Variants in SMG1 observed in about 807,000 individuals in gnomAD.
SMG1 encodes SMG1 nonsense mediated mRNA decay associated PI3K related kinase.
In SMG1, 22 loss-of-function variants were observed where a neutral mutation model predicts 419.9. That is an observed-to-expected ratio of 0.05 (90% CI 0.04 to 0.07). The LOEUF is 0.07. Ranked by LOEUF, SMG1 falls within the 10% of genes least tolerant of loss-of-function variation. The pLI is 1.00. For synonymous variants in SMG1, 1,538 were observed against 1,553.5 expected (o/e 0.99, Z 0.23); for missense variants, 3,185 against 4,342.0 (o/e 0.73, Z 7.49).
rs149103113 is a variant in SMG1 at position 18,893,151 on chromosome 16, T to G, written c.413-797A>C. Among the ~76,000 whole-genome samples, 353 of 152,348 alleles carry G rather than the reference T, an allele frequency of 2.3e-3. 2 individuals are homozygous for G. Among genetic ancestry groups the G allele is most frequent in the African/African-American group, 7.5e-3 (310 of 41,584 alleles). The stretch of plus-strand genomic sequence containing the variant: ...AGCCTCTTATTCACATTATCATCAT[T>G]TCCCTGGGATGAAGTTTTCACACAT... On this transcript the variant is annotated intron_variant, in intron 3 of 62. Transcript: ENST00000446231.
At chr16:18,846,285 G>A (rs1423083224) in intron 38 of SMG1, among the ~76,000 whole-genome samples, 1 of 152,118 alleles carries the variant, frequency 6.6e-6, no homozygotes, top group Non-Finnish European at 1.5e-5. Flanking sequence ...ACTCTTAGAA[G>A]AAAACATAAG....
intron 15 of SMG1, among the ~76,000 whole-genome samples, 154 bp from the exon 16 acceptor site, chr16:18,871,636 C>T (rs1033850830): frequency 5.9e-5 from 9 of 152,068 alleles, no homozygotes; most frequent in Admixed American, 2.6e-4. Context: ...ATAGAAATTA[C>T]TGTCAAAATT....
At position 18,815,155 on chromosome 16, in the gene SMG1, A is replaced by T. The variant is rs750091531; in HGVS notation, c.10621+20T>A. ...TGTGTAACATTAACAACAGATCAAGACTCAGGACTCTTCTCCTACCTGCAG... is the reference window on the plus strand; with the variant it reads ...TGTGTAACATTAACAACAGATCAAGTCTCAGGACTCTTCTCCTACCTGCAG... On this transcript the variant is annotated intron_variant, in intron 60 of 62. Transcript: ENST00000446231. 1 of 1,473,980 alleles carries T rather than the reference A, an allele frequency of 6.8e-7. No homozygotes were observed. Among genetic ancestry groups the T allele is most frequent in the South Asian group, 1.2e-5 (1 of 82,888 alleles). 91.3% of individuals were successfully genotyped at this position (1,473,980 alleles called of 1,614,324 possible). A position where few individuals can be genotyped will look rare whatever the true frequency, so the allele number is the denominator to read the frequency against.
At chr16:18,913,915 C>G (rs185760948) in intron 1 of SMG1, among the ~76,000 whole-genome samples, 1 of 152,148 alleles carries the variant, frequency 6.6e-6, no homozygotes, top group East Asian at 1.9e-4. Context: ...CCTGTAATCC[C>G]AGCACTTCGG....
chr16:18,835,643 C>G (rs1176849366), intron 48 of SMG1, among the ~76,000 whole-genome samples: 1 of 152,124 alleles, frequency 6.6e-6, no homozygotes, highest in Non-Finnish European at 1.5e-5. Context: ...CAGTGGCTCA[C>G]GCCTGTAATC....
intron 55 of SMG1, 114 bp from the exon 56 acceptor site, chr16:18,819,768 AT>A: frequency 9.1e-7 from 1 of 1,104,500 alleles, no homozygotes; most frequent in Non-Finnish European, 1.2e-6. Context: ...GACACATGTA[AT>A]TTAGAAAACA....
chr16:18,845,474 T>A lies in SMG1; in HGVS notation c.6174A>T (p.Pro2058=). ...IENALEKLKT[P]LNPAKPGSSW... The stretch of plus-strand genomic sequence containing the variant: ...TGCTCCCAGGCTTTGCAGGGTTCAA[T>A]GGAGTCTTCAGTTTTTCTAGGGCAT... The change falls in exon 39 of 63, where the codon CCA becomes CCT. Residue 2058 remains proline, a synonymous_variant. Transcript: ENST00000446231. 1 of 1,614,018 alleles carries A rather than the reference T, an allele frequency of 6.2e-7. No individual in the cohort carries two copies. The highest frequency in any genetic ancestry group is 1.3e-5 in the African/African-American group (1 of 75,070).
At chr16:18,893,422 C>T (rs1252901241) in intron 3 of SMG1, among the ~76,000 whole-genome samples, 5 of 152,006 alleles carry the variant, frequency 3.3e-5, no homozygotes, top group African/African-American at 7.2e-5. Flanking sequence ...CCCAGGAGTT[C>T]GAGACCAGCC....
chr16:18,879,264 C>A (rs973318760), intron 11 of SMG1: 4 of 507,602 alleles, frequency 7.9e-6, no homozygotes, highest in African/African-American at 3.9e-5. Context: ...TACAGGTGCA[C>A]GCCACTACAC....
intron 1 of SMG1, chr16:18,899,983 A>G: frequency 4.0e-6 from 6 of 1,515,070 alleles, no homozygotes; most frequent in Non-Finnish European, 3.5e-6. Flanking sequence ...TCTAAAGCTC[A>G]TACCTCAAAA....
At chr16:18,905,144 C>G (rs1458629175) in intron 1 of SMG1, among the ~76,000 whole-genome samples, 1 of 151,892 alleles carries the variant, frequency 6.6e-6, no homozygotes, top group Admixed American at 6.6e-5. Flanking sequence ...GCCTGTAATC[C>G]CAGCTAGTTG....
chr16:18,895,250 C>G (rs994588302), intron 3 of SMG1, among the ~76,000 whole-genome samples: 1 of 151,880 alleles, frequency 6.6e-6, no homozygotes, highest in African/African-American at 2.4e-5. Flanking sequence ...GTAATGAGCA[C>G]GCGTGATCAC....
chr16:18,829,707 A>G lies in SMG1; in HGVS notation c.9182T>C (p.Ile3061Thr), dbSNP rs779752707. The change falls in exon 54 of 63, where the codon ATT becomes ACT. Residue 3061 changes from isoleucine (I) to threonine (T), a missense_variant. Physicochemically the swap from Ile to Thr is moderately conservative, Grantham distance 89. This residue lies in a region of SMG1 where 737 missense variants were observed against 846.6 expected (regional missense o/e 0.87). Coordinates refer to ENST00000446231, the MANE Select transcript of SMG1 (RefSeq NM_015092.5). ...DQNTVNGPVQIVNVKTLFRNS... is the reference protein window; with the variant it reads ...DQNTVNGPVQTVNVKTLFRNS... ...TCTAAAAAGGGTTTTCACATTGACA[A>G]TCTGTACAGGCCCATTCACAGTATT... 9 of 1,613,830 alleles carry G rather than the reference A, an allele frequency of 5.6e-6. No individual in the cohort carries two copies. Among genetic ancestry groups the G allele is most frequent in the African/African-American group, 1.3e-5 (1 of 74,948 alleles).
At chr16:18,842,635 A>G (rs1396062304) in intron 39 of SMG1, among the ~76,000 whole-genome samples, 181 bp from the exon 40 acceptor site, 1 of 152,140 alleles carries the variant, frequency 6.6e-6, no homozygotes, top group African/African-American at 2.4e-5. Flanking sequence ...GACCAGCCTG[A>G]GCAACATGGC....
chr16:18,850,679 G>T (rs947363259), intron 33 of SMG1, among the ~76,000 whole-genome samples: 3 of 152,118 alleles, frequency 2.0e-5, no homozygotes, highest in African/African-American at 7.2e-5. Context: ...TAAGCATTTA[G>T]CAAAGACTAG....
At position 18,872,221 on chromosome 16, in the gene SMG1, T is replaced by G. The variant is rs1200560552; in HGVS notation, c.2146A>C (p.Ile716Leu). Residue 716 changes from isoleucine to leucine, a missense_variant, in exon 15 of 63, where the codon ATA (isoleucine) becomes CTA (leucine). Coordinates refer to ENST00000446231, the MANE Select transcript of SMG1 (RefSeq NM_015092.5). ...TTAAGGTTATCTTTCTTAAGTAATA[T>G]TCCCAGAAGATTTAATATAATTGAG... is the stretch of plus-strand genomic sequence containing the variant. ...HFSIILNLLG[I>L]LLKKDNLNQD... 1 of 1,570,930 alleles carries G rather than the reference T, an allele frequency of 6.4e-7. No individual in the cohort carries two copies. The highest frequency in any genetic ancestry group is 8.7e-7 in the Non-Finnish European group (1 of 1,145,226).
rs529621862 is a variant in SMG1, at chr16:18,915,745, T to A, written c.92+10205A>T. On this transcript the variant is annotated intron_variant, in intron 1 of 62. Transcript: ENST00000446231. Reference sequence around the variant, plus strand: ...TTGACTGAGGTCATGGTTACACAGGTGTATAGATTTGTCAAAATTTACTGA... The same window carrying A: ...TTGACTGAGGTCATGGTTACACAGGAGTATAGATTTGTCAAAATTTACTGA... Among the ~76,000 whole-genome samples, 7 of 152,178 alleles carry A rather than the reference T, an allele frequency of 4.6e-5. No individual in the cohort carries two copies. In the East Asian group the frequency reaches 1.4e-3, roughly 30 times the overall value.
chr16:18,870,937 T>C (rs1295085516), intron 16 of SMG1, 49 bp from the exon 17 acceptor site: 2 of 853,346 alleles, frequency 2.3e-6, no homozygotes, highest in Admixed American at 2.3e-5. Flanking sequence ...AAAGAAATTA[T>C]ATCCCAGTTT....
chr16:18,820,951 G>T (rs1039341225), intron 55 of SMG1, among the ~76,000 whole-genome samples: 5 of 152,122 alleles, frequency 3.3e-5, no homozygotes, highest in Admixed American at 6.6e-5. Context: ...ATAAGTAGAA[G>T]GATTATGTAC....
Sources: gnomAD v4.1 joint callset for allele counts (sites outside exome capture counted in the v4.1 genomes callset) on GRCh38, gnomAD v4.1.1 for gene constraint, gnomAD v4.1.1 regional missense constraint, MANE v1.5 for transcripts, NCBI Gene and HGNC (gene_info 2026-07-23, HGNC 2026-07-21) for gene names.